FABP12: variants seen among roughly 807,000 people sequenced by gnomAD.
The protein encoded by FABP12 is fatty acid binding protein 12.
Under a neutral mutation model 13.7 loss-of-function variants are expected in FABP12, and 19 were observed. The ratio of observed to expected loss-of-function variants is 1.39; its 90% CI spans 0.97 to 2.04. The LOEUF is 2.04. FABP12 is among the 30% of genes most tolerant of loss of function. FABP12 has a pLI of 0.00. For missense variants in FABP12, 182 were observed against 164.2 expected (o/e 1.11, Z -0.59); for synonymous variants, 61 against 57.0 (o/e 1.07, Z -0.32).
intron 1 of FABP12, among the ~76,000 whole-genome samples, chr8:81,551,203 A>G (rs1339941591): frequency 6.6e-6 from 1 of 152,152 alleles, no homozygotes; most frequent in Non-Finnish European, 1.5e-5. Flanking sequence ...GTCCATCCCT[A>G]GACATGTTGA....
chr8:81,577,592 C>A (rs1458859346), intron 1 of FABP12, among the ~76,000 whole-genome samples: 1 of 152,060 alleles, frequency 6.6e-6, no homozygotes, highest in Admixed American at 6.6e-5. Flanking sequence ...AACCTTGTCT[C>A]TATTAAAAAC....
At chr8:81,541,002 C>T (rs1046354931) in intron 1 of FABP12, among the ~76,000 whole-genome samples, 3 of 151,894 alleles carry the variant, frequency 2.0e-5, no homozygotes, top group African/African-American at 4.8e-5. Context: ...CTCATCTCTA[C>T]TAAAAATACA....
chr8:81,563,581 GA>G (rs1216118176), intron 1 of FABP12, among the ~76,000 whole-genome samples: 3 of 152,140 alleles, frequency 2.0e-5, no homozygotes, highest in Admixed American at 1.3e-4. Context: ...ATTTAATAGG[GA>G]GATTGAAATC....
At chr8:81,555,433 A>G (rs1809595952) in intron 1 of FABP12, among the ~76,000 whole-genome samples, 1 of 152,234 alleles carries the variant, frequency 6.6e-6, no homozygotes. Flanking sequence ...TACCAGACAA[A>G]TGGTTCCAAT....
At chr8:81,573,283 T>C (rs1809968198) in intron 1 of FABP12, among the ~76,000 whole-genome samples, 1 of 152,230 alleles carries the variant, frequency 6.6e-6, no homozygotes, top group East Asian at 1.9e-4. Flanking sequence ...ATTTCTGTGT[T>C]CTCTATTCTG....
chr8:81,566,511 A>T (rs10112850), intron 1 of FABP12, among the ~76,000 whole-genome samples: 27,249 of 152,108 alleles, frequency 0.18, 2,815 homozygotes, highest in East Asian at 0.34. Flanking sequence ...AAATGGCTCA[A>T]CATATGCAAA....
intron 1 of FABP12, among the ~76,000 whole-genome samples, chr8:81,551,780 G>A (rs1033199085): frequency 2.0e-5 from 3 of 152,104 alleles, no homozygotes; most frequent in Admixed American, 6.6e-5. Context: ...AGTGATGTGT[G>A]TGTCATGCTG....
intron 1 of FABP12, among the ~76,000 whole-genome samples, chr8:81,565,615 G>A (rs1585853248): frequency 6.8e-6 from 1 of 147,574 alleles, no homozygotes; most frequent in Non-Finnish European, 1.5e-5. Flanking sequence ...ATTAAAAAAT[G>A]TCTTCAAACA....
At chr8:81,583,499 GA>G (rs1390693683) in intron 1 of FABP12, among the ~76,000 whole-genome samples, 2 of 151,884 alleles carry the variant, frequency 1.3e-5, no homozygotes, top group African/African-American at 4.8e-5. Context: ...AATCAAAAAT[GA>G]AAAAGGAGAC....
intron 1 of FABP12, chr8:81,533,182 A>G (rs1271205522): frequency 6.6e-6 from 1 of 152,188 alleles, no homozygotes; most frequent in African/African-American, 2.4e-5. Context: ...GAGCCCATGT[A>G]TGGCTTCTAT....
chr8:81,578,775 C>T (rs182909187), intron 1 of FABP12, among the ~76,000 whole-genome samples: 8 of 148,268 alleles, frequency 5.4e-5, no homozygotes, highest in East Asian at 2.0e-4. Flanking sequence ...TGAGCCACCG[C>T]GCCTGGCCTA....
chr8:81,552,042 A>G (rs1809530660), intron 1 of FABP12, among the ~76,000 whole-genome samples: 2 of 152,174 alleles, frequency 1.3e-5, no homozygotes, highest in African/African-American at 4.8e-5. Flanking sequence ...ACTAGCAAAC[A>G]AGCAACAGCA....
chr8:81,559,760 C>A (rs113791679), intron 1 of FABP12, among the ~76,000 whole-genome samples: 2 of 152,102 alleles, frequency 1.3e-5, no homozygotes, highest in African/African-American at 4.8e-5. Flanking sequence ...ACTACTGCCC[C>A]CTAGACTGGG....
chr8:81,559,973 A>G (rs1283420057), intron 1 of FABP12, among the ~76,000 whole-genome samples: 1 of 152,190 alleles, frequency 6.6e-6, no homozygotes, highest in Non-Finnish European at 1.5e-5. Context: ...TGGGAAAATA[A>G]TATGTTCTAT....
chr8:81,530,457 T>C (rs1272182049), intron 2 of FABP12, among the ~76,000 whole-genome samples: 1 of 152,230 alleles, frequency 6.6e-6, no homozygotes, highest in Non-Finnish European at 1.5e-5. Flanking sequence ...CACAGCTCTG[T>C]GCAGCACATG....
intron 1 of FABP12, among the ~76,000 whole-genome samples, chr8:81,545,472 C>T (rs1301357812): frequency 6.6e-6 from 1 of 152,092 alleles, no homozygotes; most frequent in Non-Finnish European, 1.5e-5. Context: ...AAAAATTAGT[C>T]CAGTGAAAGA....
intron 1 of FABP12, among the ~76,000 whole-genome samples, chr8:81,567,761 T>C (rs1176250695): frequency 1.3e-5 from 2 of 152,206 alleles, no homozygotes; most frequent in Non-Finnish European, 2.9e-5. Context: ...AAAGATCTCT[T>C]GAGTAATACT....
intron 4 of FABP12, chr8:81,525,781 T>C (rs1193717847): frequency 2.0e-5 from 3 of 152,258 alleles, no homozygotes; most frequent in Non-Finnish European, 4.4e-5. Context: ...CTATTTTACA[T>C]ACTCTACACT....
intron 1 of FABP12, among the ~76,000 whole-genome samples, chr8:81,570,405 C>G (rs769308824): frequency 6.6e-6 from 1 of 152,172 alleles, no homozygotes; most frequent in Non-Finnish European, 1.5e-5. Context: ...CATGCAGACA[C>G]GTGAAGGGTG....
Sources: gnomAD v4.1 joint callset for allele counts (sites outside exome capture counted in the v4.1 genomes callset) on GRCh38, gnomAD v4.1.1 for gene constraint, MANE v1.5 for transcripts, NCBI Gene and HGNC (gene_info 2026-07-23, HGNC 2026-07-21) for gene names.